RAB19: variants seen among roughly 807,000 people sequenced by gnomAD.
RAB19 encodes ras-related protein Rab-19.
A neutral mutation model predicts 17.3 loss-of-function variants in RAB19; 21 were observed. The ratio of observed to expected loss-of-function variants is 1.21; its 90% CI spans 0.86 to 1.74. RAB19 has a LOEUF of 1.74. Ranked by LOEUF, RAB19 falls within the 40% of genes most tolerant of loss-of-function variation. The pLI, the probability that RAB19 is intolerant of heterozygous loss-of-function variation, is 0.00. For missense variants in RAB19, 277 were observed against 286.8 expected, an observed-to-expected ratio of 0.97 and a Z score of 0.25; for synonymous variants, 126 against 110.4, an observed-to-expected ratio of 1.14 and a Z score of -0.88.
chr7:140,425,940 G>C lies in RAB19; in HGVS notation c.444G>C (p.Leu148=). 6.2e-7 allele frequency: 1 copy of C among 1,614,184 alleles called. No homozygotes were observed. The highest frequency in any genetic ancestry group is 8.5e-7 in the Non-Finnish European group (1 of 1,180,032). Residue 148 remains leucine (L), a synonymous_variant, in exon 4 of 4, where the codon CTG becomes CTC. Transcript: ENST00000537763. ...RHVLFEDACT[L]AEKYGLLAVL... is the part of the protein sequence containing the mutation. ...TCCTGTTCGAGGATGCCTGCACACTGGCTGAGAAGTACGGCCTCCTGGCCG... is the reference window on the plus strand; with the variant it reads ...TCCTGTTCGAGGATGCCTGCACACTCGCTGAGAAGTACGGCCTCCTGGCCG...
chr7:140,426,093 C>T lies in RAB19; in HGVS notation c.597C>T (p.Asp199=), dbSNP rs746760092. The change falls in exon 4 of 4, where the codon GAC becomes GAT. Residue 199 remains aspartate, a synonymous_variant. Transcript: ENST00000537763. ...GTGCCCTGAACGGCCTCCCCCTGGA[C>T]TCCAGCCCCGTTCTTATGGCCCAGG... ...GESALNGLPL[D]SSPVLMAQGP... The T allele has an allele frequency of 6.2e-7, 1 of 1,614,204 alleles. No homozygotes were observed. Among genetic ancestry groups the T allele is most frequent in the East Asian group, 2.2e-5 (1 of 44,882 alleles).
chr7:140,410,729 A>T (rs1480412092), intron 2 of RAB19, among the ~76,000 whole-genome samples: 2 of 152,134 alleles, frequency 1.3e-5, no homozygotes, highest in Non-Finnish European at 2.9e-5. Context: ...AAGTGCTGGG[A>T]TCACAGGCAT....
chr7:140,413,979 A>C (rs1799411869), intron 3 of RAB19, among the ~76,000 whole-genome samples: 1 of 152,202 alleles, frequency 6.6e-6, no homozygotes, highest in South Asian at 2.1e-4. Flanking sequence ...TCGAGGACAC[A>C]GTGGAGGCAG....
intron 3 of RAB19, 67 bp from the exon 4 acceptor site, chr7:140,425,815 A>G (rs1298520003): frequency 6.6e-7 from 1 of 1,512,038 alleles, no homozygotes; most frequent in Non-Finnish European, 8.9e-7. Flanking sequence ...TGTTACTTGT[A>G]AAGTTCATTT....
intron 1 of RAB19, among the ~76,000 whole-genome samples, chr7:140,405,573 T>C (rs932184432): frequency 6.6e-6 from 1 of 151,910 alleles, no homozygotes; most frequent in South Asian, 2.1e-4. Flanking sequence ...CGCAGGGCTC[T>C]CATTATATTG....
chr7:140,415,027 TC>T (rs1799429968), intron 3 of RAB19, among the ~76,000 whole-genome samples: 1 of 152,078 alleles, frequency 6.6e-6, no homozygotes, highest in Admixed American at 6.6e-5. Flanking sequence ...CCCATCTTTC[TC>T]CTACCCTCAC....
chr7:140,419,227 G>A (rs532008660), intron 3 of RAB19, among the ~76,000 whole-genome samples: 4 of 151,896 alleles, frequency 2.6e-5, no homozygotes, highest in Admixed American at 6.6e-5. Flanking sequence ...GTGCCACCAC[G>A]CCCAGCTAAT....
intron 3 of RAB19, among the ~76,000 whole-genome samples, chr7:140,413,433 G>T (rs955044226): frequency 2.6e-5 from 4 of 152,118 alleles, no homozygotes; most frequent in African/African-American, 9.7e-5. Context: ...TTTGGGCCAG[G>T]CACGGTGGTT....
rs369447131 is a variant in RAB19 at position 140,412,192 on chromosome 7, C to T, written c.385+135C>T. 11 of 930,060 alleles carry T rather than the reference C, an allele frequency of 1.2e-5. No individual in the cohort carries two copies. In the African/African-American group the frequency reaches 1.8e-4, roughly 15 times the overall value. 57.6% of individuals were successfully genotyped at this position (930,060 alleles called of 1,614,324 possible). A position where few individuals can be genotyped will look rare whatever the true frequency, so the allele number is the denominator to read the frequency against. ...TGCAGCCGGGCACAGTGGCTCACAC[C>T]TGTAATCCCAGCACTTTGGGAGGCT... On this transcript the variant is annotated intron_variant, in intron 3 of 3. Coordinates refer to ENST00000537763, the MANE Select transcript of RAB19 (RefSeq NM_001008749.3).
intron 2 of RAB19, among the ~76,000 whole-genome samples, chr7:140,410,313 C>CTTTTTTTTTTTTTTTTT (rs762151021): frequency 6.2e-5 from 5 of 81,038 alleles, no homozygotes; most frequent in Non-Finnish European, 8.5e-5. Context: ...TTGTATTTTT[C>CTTTTTTTTTTTTTTTTT]TTTTTTTTTT....
intron 1 of RAB19, among the ~76,000 whole-genome samples, chr7:140,404,814 G>C (rs920748070): frequency 1.3e-5 from 2 of 152,166 alleles, no homozygotes; most frequent in Admixed American, 6.6e-5. Context: ...TAAAGAGGAT[G>C]GGGATATTCT....
chr7:140,405,600 C>A (rs566523669), intron 1 of RAB19, among the ~76,000 whole-genome samples: 2 of 151,972 alleles, frequency 1.3e-5, no homozygotes, highest in Admixed American at 1.3e-4. Context: ...CTACTTTCAA[C>A]CTCCTGGCGT....
At chr7:140,412,209 T>C in intron 3 of RAB19, 152 bp downstream of exon 3, 2 of 820,038 alleles carry the variant, frequency 2.4e-6, no homozygotes, top group Non-Finnish European at 2.0e-6. Context: ...CCCAGCACTT[T>C]GGGAGGCTGG....
chr7:140,420,683 G>A (rs1300069490), intron 3 of RAB19, among the ~76,000 whole-genome samples: 4 of 152,074 alleles, frequency 2.6e-5, no homozygotes, highest in African/African-American at 9.7e-5. Flanking sequence ...TATGGGGGAT[G>A]GGGTGCTGTC....
intron 1 of RAB19, among the ~76,000 whole-genome samples, chr7:140,404,779 C>T (rs1055626535): frequency 5.3e-5 from 8 of 152,086 alleles, no homozygotes; most frequent in African/African-American, 1.9e-4. Flanking sequence ...ATGAGGAGTC[C>T]GAACACACTC....
At chr7:140,424,285 GTAGCTGGGACTACAGGCA>G (rs1799612830) in intron 3 of RAB19, among the ~76,000 whole-genome samples, 1 of 151,684 alleles carries the variant, frequency 6.6e-6, no homozygotes, top group South Asian at 2.1e-4. Context: ...AGCCTCCCAA[GTAGCTGGGACTACAGGCA>G]TGCACCACCA....
chr7:140,406,530 C>T (rs903340066), intron 1 of RAB19, among the ~76,000 whole-genome samples: 6 of 151,166 alleles, frequency 4.0e-5, no homozygotes, highest in Admixed American at 6.6e-5. Context: ...GTCCCAGCTA[C>T]TCGGGAGGCT....
In RAB19 at chr7:140,407,606, TC is replaced by T; in HGVS notation, c.-23-16del. ...GGATCCCCAGTTCCTGGTGCTGAAT[TC>T]CATCCTTTCTTCCTAGTTCTGTTCT... On this transcript the variant is annotated splice_polypyrimidine_tract_variant and intron_variant, in intron 1 of 3. Coordinates refer to ENST00000537763, the MANE Select transcript of RAB19 (RefSeq NM_001008749.3). 6.3e-7 allele frequency: 1 copy of T among 1,599,042 alleles called. No homozygotes were observed. The highest frequency in any genetic ancestry group is 8.6e-7 in the Non-Finnish European group (1 of 1,166,554).
At position 140,404,080 on chromosome 7, in the gene RAB19, G is replaced by A. The variant is rs376384506; in HGVS notation, c.-161G>A. ...TTCACTTTCTCAGGACGCCAAACCC[G>A]ACACCTGGGGCCAGAACTACACTTC... is the stretch of plus-strand genomic sequence containing the variant. On this transcript the variant is annotated 5_prime_UTR_variant, in exon 1 of 4. Coordinates refer to ENST00000537763, the MANE Select transcript of RAB19 (RefSeq NM_001008749.3). 241 of 152,276 alleles carry A rather than the reference G, an allele frequency of 1.6e-3. 7 individuals carry two copies. In the South Asian group the frequency reaches 0.018, roughly 12 times the overall value. The allele number at this position is 152,276 out of a possible 1,614,324, so 9.4% of individuals were successfully genotyped here.
Sources: allele counts gnomAD v4.1 joint callset (sites outside exome capture counted in the v4.1 genomes callset), GRCh38; gene constraint gnomAD v4.1.1; transcripts MANE v1.5; gene names NCBI Gene and HGNC (gene_info 2026-07-23, HGNC 2026-07-21).